STARD10: variants seen among roughly 807,000 people sequenced by gnomAD.
STARD10 encodes StAR related lipid transfer domain containing 10.
A neutral mutation model predicts 36.0 loss-of-function variants in STARD10; 24 were observed. That is an observed-to-expected ratio of 0.67 (90% confidence interval 0.48 to 0.94). STARD10 has a LOEUF of 0.94. STARD10 is among the 40% of genes least tolerant of loss of function. STARD10 has a pLI of 0.00. For synonymous variants in STARD10, 156 were observed against 161.9 expected (o/e 0.96, Z 0.28); for missense variants, 335 against 396.6 (o/e 0.84, Z 1.32).
At chr11:72,783,102 A>C (rs925589080) in intron 1 of STARD10, among the ~76,000 whole-genome samples, 1 of 152,232 alleles carries the variant, frequency 6.6e-6, no homozygotes, top group Non-Finnish European at 1.5e-5. Flanking sequence ...GTGCTAAGAA[A>C]AAAACGAGGA....
chr11:72,762,222 G>A (rs1030266898), intron 2 of STARD10, among the ~76,000 whole-genome samples: 2 of 151,862 alleles, frequency 1.3e-5, no homozygotes, highest in African/African-American at 4.8e-5. Flanking sequence ...CACTGTGCCC[G>A]GCCACTTGTC....
At chr11:72,768,670 A>C (rs957056988) in intron 2 of STARD10, among the ~76,000 whole-genome samples, 22 of 152,352 alleles carry the variant, frequency 1.4e-4, no homozygotes, top group Non-Finnish European at 2.5e-4. Flanking sequence ...CCCCCTGTCC[A>C]GGCAGCCTGC....
chr11:72,758,686 G>C (rs891204161), intron 3 of STARD10, 53 bp from the exon 4 acceptor site: 43 of 1,377,544 alleles, frequency 3.1e-5, no homozygotes, highest in Non-Finnish European at 4.3e-5. Flanking sequence ...CTGCCTACAA[G>C]GGAGGGTGTG....
intron 2 of STARD10, among the ~76,000 whole-genome samples, chr11:72,779,229 C>T (rs1261681984): frequency 1.3e-5 from 2 of 152,224 alleles, no homozygotes; most frequent in Non-Finnish European, 2.9e-5. Flanking sequence ...GTCAGGCTCT[C>T]GTGAATTCCC....
At chr11:72,790,330 C>A (rs748456237) in intron 1 of STARD10, 2 of 151,550 alleles carry the variant, frequency 1.3e-5, no homozygotes, top group Non-Finnish European at 2.9e-5. Context: ...ACCAGACTCA[C>A]GCTTACCTCG....
At chr11:72,772,211 G>A (rs944155657) in intron 2 of STARD10, among the ~76,000 whole-genome samples, 7 of 136,152 alleles carry the variant, frequency 5.1e-5, no homozygotes, top group Non-Finnish European at 8.3e-5. Flanking sequence ...TGTGCACAGC[G>A]CTGCCATAGC....
chr11:72,787,402 A>C (rs747843061), intron 1 of STARD10, among the ~76,000 whole-genome samples: 1 of 152,144 alleles, frequency 6.6e-6, no homozygotes, highest in African/African-American at 2.4e-5. Flanking sequence ...ACCATACAGG[A>C]CTTCAGAGTT....
At chr11:72,762,232 C>T (rs1306564114) in intron 2 of STARD10, among the ~76,000 whole-genome samples, 10 of 151,890 alleles carry the variant, frequency 6.6e-5, no homozygotes, top group Admixed American at 6.6e-4. Flanking sequence ...GGCCACTTGT[C>T]TATATTTCTT....
At position 72,754,892 on chromosome 11, in the gene STARD10, G is replaced by T; in HGVS notation, c.*5C>A. 1 of 1,595,828 alleles carries T rather than the reference G, an allele frequency of 6.3e-7. No individual in the cohort carries two copies. The highest frequency in any genetic ancestry group is 1.1e-5 in the South Asian group (1 of 90,608). On this transcript the variant is annotated 3_prime_UTR_variant, in exon 7 of 7. Transcript: ENST00000334805. The stretch of plus-strand genomic sequence containing the variant: ...CCTGTCTCCGTCCCTGAAGCGGTGC[G>T]GCGCTCAGGTGAGCGAGGTGTCGTC...
intron 2 of STARD10, among the ~76,000 whole-genome samples, chr11:72,773,499 A>G (rs190058454): frequency 6.6e-6 from 1 of 152,338 alleles, no homozygotes; most frequent in East Asian, 1.9e-4. Flanking sequence ...TGACTCACAC[A>G]CACAGAGTAA....
chr11:72,771,812 G>T (rs918583614), intron 2 of STARD10, among the ~76,000 whole-genome samples: 11 of 152,162 alleles, frequency 7.2e-5, no homozygotes, highest in African/African-American at 2.7e-4. Context: ...GGGGGGCGAG[G>T]GGGAGCCAGA....
At chr11:72,767,770 CT>C (rs780305944) in intron 2 of STARD10, among the ~76,000 whole-genome samples, 4 of 152,238 alleles carry the variant, frequency 2.6e-5, no homozygotes, top group Non-Finnish European at 4.4e-5. Context: ...AGACAGACCT[CT>C]GCCCTGCCAT....
At chr11:72,773,890 A>G (rs1402673672) in intron 2 of STARD10, among the ~76,000 whole-genome samples, 1 of 152,248 alleles carries the variant, frequency 6.6e-6, no homozygotes, top group Non-Finnish European at 1.5e-5. Flanking sequence ...TTGCCCCTAA[A>G]TTCCTAGATA....
intron 2 of STARD10, among the ~76,000 whole-genome samples, chr11:72,779,973 C>T (rs990703902): frequency 6.6e-6 from 1 of 152,062 alleles, no homozygotes; most frequent in African/African-American, 2.4e-5. Context: ...AGGTCCCAGG[C>T]AGAAGGGGAG....
At chr11:72,790,232 G>C (rs11235592) in intron 1 of STARD10, 77,343 of 152,140 alleles carry the variant, frequency 0.51, 19,844 homozygotes, top group East Asian at 0.62. Context: ...GAGGGTAGTG[G>C]GGGGAGGAGA....
intron 2 of STARD10, among the ~76,000 whole-genome samples, chr11:72,777,826 G>C (rs1858945776): frequency 6.6e-6 from 1 of 152,234 alleles, no homozygotes; most frequent in African/African-American, 2.4e-5. Flanking sequence ...ATTGAATCAG[G>C]TAGATAGCTA....
At chr11:72,792,199 G>A (rs976250627) in intron 1 of STARD10, among the ~76,000 whole-genome samples, 4 of 151,750 alleles carry the variant, frequency 2.6e-5, no homozygotes, top group African/African-American at 7.3e-5. Context: ...ACAGGTGCCC[G>A]CCACAACGCC....
At position 72,755,030 on chromosome 11, in the gene STARD10, G is replaced by A. The variant is rs757329628; in HGVS notation, c.743C>T (p.Ala248Val). The A allele has an allele frequency of 3.1e-6, 5 of 1,612,874 alleles. No homozygotes were observed. The highest frequency in any genetic ancestry group is 1.7e-5 in the Admixed American group (1 of 59,904). The stretch of plus-strand genomic sequence containing the variant: ...ATGCTGCACCGACAGCTCCGACAGC[G>A]CCAGGCTCGGCAACGGGCTCTGCTC... ...HPEQSPLPSL[A>V]LSELSVQHAD... Residue 248 changes from alanine to valine, a missense_variant, in exon 7 of 7, where the codon GCG becomes GTG. Physicochemically the swap from Ala to Val is moderately conservative, Grantham distance 64 (BLOSUM62 0). Coordinates refer to ENST00000334805, the MANE Select transcript of STARD10 (RefSeq NM_006645.3).
chr11:72,755,169 AG>A, intron 6 of STARD10, 27 bp from the exon 7 acceptor site: 1 of 1,597,050 alleles, frequency 6.3e-7, no homozygotes, highest in South Asian at 1.1e-5. Flanking sequence ...CCGCCGGGTC[AG>A]GGGGTGGCTA....
Sources: allele counts gnomAD v4.1 joint callset (sites outside exome capture counted in the v4.1 genomes callset), GRCh38; gene constraint gnomAD v4.1.1; transcripts MANE v1.5; gene names NCBI Gene and HGNC (gene_info 2026-07-23, HGNC 2026-07-21).